PARN: variants seen among roughly 807,000 people sequenced by gnomAD.
The protein encoded by PARN is poly(A)-specific ribonuclease PARN.
Under a neutral mutation model 102.8 loss-of-function variants are expected in PARN, and 71 were observed. The ratio of observed to expected loss-of-function variants is 0.69; its 90% CI spans 0.57 to 0.84. The LOEUF (loss-of-function observed/expected upper bound fraction) is 0.84. PARN is among the 40% of genes least tolerant of loss of function. The pLI, the probability that PARN is intolerant of heterozygous loss-of-function variation, is 0.00. For missense variants in PARN, 782 were observed against 760.9 expected, an observed-to-expected ratio of 1.03 and a Z score of -0.33; for synonymous variants, 261 against 252.9, an observed-to-expected ratio of 1.03 and a Z score of -0.30.
intron 21 of PARN, among the ~76,000 whole-genome samples, chr16:14,504,075 T>A (rs1458266935): frequency 6.6e-6 from 1 of 152,212 alleles, no homozygotes; most frequent in African/African-American, 2.4e-5. Flanking sequence ...TTAGAGAGGA[T>A]CATATCCTTT....
chr16:14,534,759 T>C (rs554051909), intron 21 of PARN, among the ~76,000 whole-genome samples: 8 of 152,286 alleles, frequency 5.3e-5, no homozygotes, highest in African/African-American at 1.9e-4. Context: ...ATCGCTCCAC[T>C]TCACAAGCGG....
At position 14,599,893 on chromosome 16, in the gene PARN, G is replaced by A; in HGVS notation, c.840+11C>T. 6.4e-7 allele frequency: 1 copy of A among 1,574,282 alleles called. No individual in the cohort carries two copies. Among genetic ancestry groups the A allele is most frequent in the Non-Finnish European group, 8.7e-7 (1 of 1,149,242 alleles). The stretch of plus-strand genomic sequence containing the variant: ...GTTCTGCAATCTTGCTAAAAAGTCT[G>A]GCTCACTTACCGAATTAGCAATGGC... On this transcript the variant is annotated intron_variant, in intron 12 of 23. Coordinates refer to ENST00000437198, the MANE Select transcript of PARN (RefSeq NM_002582.4).
chr16:14,439,044 G>A (rs1306513871), intron 23 of PARN, among the ~76,000 whole-genome samples: 1 of 152,188 alleles, frequency 6.6e-6, no homozygotes, highest in Non-Finnish European at 1.5e-5. Context: ...TGTTTTACTG[G>A]AGTGTAAGGA....
At chr16:14,512,186 T>C (rs530183338) in intron 21 of PARN, among the ~76,000 whole-genome samples, 33 of 152,310 alleles carry the variant, frequency 2.2e-4, no homozygotes, top group Middle Eastern at 3.4e-3. Flanking sequence ...TGACTTGTCA[T>C]GACTGTGCTA....
chr16:14,468,063 G>A (rs1962470671), intron 22 of PARN, among the ~76,000 whole-genome samples: 1 of 152,174 alleles, frequency 6.6e-6, no homozygotes, highest in Non-Finnish European at 1.5e-5. Flanking sequence ...GAATTCCCAA[G>A]GACTCTGGGT....
intron 1 of PARN, 103 bp downstream of exon 1, chr16:14,630,004 C>T (rs1205780142): frequency 1.9e-6 from 2 of 1,064,434 alleles, no homozygotes; most frequent in South Asian, 2.7e-5. Context: ...TGAGGGGCTG[C>T]CTCAGCCCCA....
At chr16:14,441,904 T>G (rs1446112889) in intron 23 of PARN, among the ~76,000 whole-genome samples, 1 of 152,188 alleles carries the variant, frequency 6.6e-6, no homozygotes, top group Admixed American at 6.5e-5. Context: ...ACTGTAACCC[T>G]TAGGGTTTCA....
intron 8 of PARN, 133 bp from the exon 9 acceptor site, chr16:14,608,452 A>AACCTGCGTATTTTTGTT: frequency 1.6e-6 from 1 of 610,070 alleles, no homozygotes; most frequent in Non-Finnish European, 2.9e-6. Flanking sequence ...GCAAACAAAA[A>AACCTGCGTATTTTTGTT]TACGCAGGTT....
intron 21 of PARN, among the ~76,000 whole-genome samples, chr16:14,534,475 G>T (rs969373850): frequency 6.6e-6 from 1 of 151,954 alleles, no homozygotes; most frequent in Non-Finnish European, 1.5e-5. Flanking sequence ...CACTAAAAGC[G>T]ATTCAAACTT....
intron 18 of PARN, among the ~76,000 whole-genome samples, chr16:14,569,362 C>T (rs562071830): frequency 6.6e-6 from 1 of 152,292 alleles, no homozygotes; most frequent in Non-Finnish European, 1.5e-5. Flanking sequence ...CACCCAACAC[C>T]AAACAGCCTT....
intron 21 of PARN, among the ~76,000 whole-genome samples, chr16:14,527,342 T>C (rs930111552): frequency 4.6e-5 from 7 of 152,192 alleles, no homozygotes; most frequent in Non-Finnish European, 7.4e-5. Context: ...CTTCAACCCT[T>C]CTCTATCTAT....
intron 12 of PARN, among the ~76,000 whole-genome samples, chr16:14,598,049 CAGG>C (rs1411671962): frequency 6.6e-6 from 1 of 152,120 alleles, no homozygotes; most frequent in African/African-American, 2.4e-5. Context: ...GAGGCTGAGG[CAGG>C]AGACTTGCTT....
intron 18 of PARN, chr16:14,578,681 A>G (rs1248044863): frequency 6.6e-6 from 1 of 152,046 alleles, no homozygotes; most frequent in African/African-American, 2.4e-5. Context: ...GAAAAAAAAC[A>G]CAGTTCTTAT....
chr16:14,576,813 G>A (rs1327358562), intron 18 of PARN, among the ~76,000 whole-genome samples: 1 of 152,088 alleles, frequency 6.6e-6, no homozygotes, highest in Admixed American at 6.6e-5. Context: ...AGGTGCCCAG[G>A]CCATGAAAAA....
chr16:14,482,877 C>T (rs747226356), intron 21 of PARN, 50 bp from the exon 22 acceptor site: 5 of 1,460,380 alleles, frequency 3.4e-6, no homozygotes, highest in Non-Finnish European at 3.7e-6. Context: ...TCTGGCCTAG[C>T]CCCAAAGATG....
intron 12 of PARN, among the ~76,000 whole-genome samples, chr16:14,594,427 T>C (rs1294146775): frequency 6.6e-6 from 1 of 152,036 alleles, no homozygotes; most frequent in Non-Finnish European, 1.5e-5. Flanking sequence ...ACATAAAACA[T>C]CAGGGGCCGG....
chr16:14,474,550 G>T (rs1962932480), intron 22 of PARN, among the ~76,000 whole-genome samples: 2 of 152,276 alleles, frequency 1.3e-5, no homozygotes, highest in Non-Finnish European at 1.5e-5. Context: ...AAAAGCATTT[G>T]GAATTTAAGA....
At chr16:14,593,491 T>TAAAAAAAAAAAAA (rs1567426174) in intron 12 of PARN, 113 bp from the exon 13 acceptor site, 1 of 27,608 alleles carries the variant, frequency 3.6e-5, no homozygotes, top group Non-Finnish European at 6.7e-5. Context: ...CTTTCCAGAC[T>TAAAAAAAAAAAAA]TAAAAAAAAA....
chr16:14,502,206 G>A (rs536407659), intron 21 of PARN, among the ~76,000 whole-genome samples: 15 of 152,276 alleles, frequency 9.9e-5, no homozygotes, highest in South Asian at 2.1e-4. Flanking sequence ...GAGTATTCAC[G>A]CATGGGGCAA....
Sources: gnomAD v4.1 joint callset for allele counts (sites outside exome capture counted in the v4.1 genomes callset) on GRCh38, gnomAD v4.1.1 for gene constraint, MANE v1.5 for transcripts, NCBI Gene and HGNC (gene_info 2026-07-23, HGNC 2026-07-21) for gene names.